ARHGAP45: variants seen among roughly 807,000 people sequenced by gnomAD.
ARHGAP45 encodes the protein Rho GTPase activating protein 45, also known as rho GTPase-activating protein 45.
A neutral mutation model predicts 116.1 loss-of-function variants in ARHGAP45; 56 were observed. The observed-to-expected ratio is 0.48, with a 90% CI of 0.39 to 0.60. The LOEUF (loss-of-function observed/expected upper bound fraction) is 0.60, where lower values mean the gene tolerates loss of function less well. Ranked by LOEUF, ARHGAP45 falls within the 20% of genes least tolerant of loss-of-function variation. The pLI is 0.00. For missense variants in ARHGAP45, 1,622 were observed against 1,601.0 expected, an observed-to-expected ratio of 1.01 and a Z score of -0.22; for synonymous variants, 866 against 701.7, an observed-to-expected ratio of 1.23 and a Z score of -3.70.
At position 1,086,035 on chromosome 19, in the gene ARHGAP45, C is replaced by T. The variant is rs2043635035; in HGVS notation, c.*29C>T. The T allele has an allele frequency of 2.5e-6, 4 of 1,580,256 alleles. No individual in the cohort carries two copies. Among genetic ancestry groups the T allele is most frequent in the South Asian group, 1.1e-5 (1 of 88,142 alleles). On this transcript the variant is annotated 3_prime_UTR_variant, in exon 23 of 23. Coordinates refer to ENST00000313093, the MANE Select transcript of ARHGAP45 (RefSeq NM_012292.5). ...GGGGTGGGGCTGGGACCACAGGTGG[C>T]TTCTCTCTTGCCTGCTCCTGTCCCT... is the stretch of plus-strand genomic sequence containing the variant.
chr19:1,081,815 C>T lies in ARHGAP45; in HGVS notation c.2380-9C>T, dbSNP rs1199418618. On this transcript the variant is annotated splice_polypyrimidine_tract_variant and intron_variant, in intron 18 of 22. Coordinates refer to ENST00000313093, the MANE Select transcript of ARHGAP45 (RefSeq NM_012292.5). ...GCTGATGGGCCTCCCCACCCCCGGG[C>T]TCCCGCAGGGCATCTACCGGGTCAA... 2 of 1,601,726 alleles carry T rather than the reference C, an allele frequency of 1.2e-6. No homozygotes were observed. The highest frequency in any genetic ancestry group is 2.2e-5 in the South Asian group (2 of 89,794).
intron 10 of ARHGAP45, 104 bp from the exon 11 acceptor site, chr19:1,077,753 C>T (rs527883338): frequency 6.5e-7 from 1 of 1,538,176 alleles, no homozygotes; most frequent in Non-Finnish European, 8.8e-7. Flanking sequence ...GGCCATGGGG[C>T]CTTGCTGAGA....
At chr19:1,080,648 T>G in intron 15 of ARHGAP45, 34 bp from the exon 16 acceptor site, 1 of 1,604,476 alleles carries the variant, frequency 6.2e-7, no homozygotes, top group Non-Finnish European at 8.5e-7. Context: ...CCCCCCTGGC[T>G]GGGGGAGTCT....
intron 19 of ARHGAP45, among the ~76,000 whole-genome samples, chr19:1,082,258 A>C (rs1379144140): frequency 3.6e-5 from 4 of 111,948 alleles, no homozygotes; most frequent in African/African-American, 1.0e-4. Flanking sequence ...CGGCAGAGGC[A>C]CACCTGACGC....
chr19:1,075,175 C>T (rs775786121), intron 10 of ARHGAP45, among the ~76,000 whole-genome samples: 4 of 151,556 alleles, frequency 2.6e-5, no homozygotes, highest in Admixed American at 2.0e-4. Flanking sequence ...AGCTGGTCTC[C>T]GGGTTGAGGG....
At position 1,074,393 on chromosome 19, in the gene ARHGAP45, A is replaced by G. The variant is rs772113900; in HGVS notation, c.979A>G (p.Ser327Gly). 1 of 1,576,550 alleles carries G rather than the reference A, an allele frequency of 6.3e-7. No homozygotes were observed. The highest frequency in any genetic ancestry group is 8.6e-7 in the Non-Finnish European group (1 of 1,160,104). ...GAAGATCGCTCACAACTGCAGACAG[A>G]GCGTCATGCAGGAGGTGGGGGCCCC... ...LQKIAHNCRQSVMQEPHMPLL... is the reference protein window; with the variant it reads ...LQKIAHNCRQGVMQEPHMPLL... The change falls in exon 8 of 23, where the codon AGC becomes GGC. Residue 327 changes from serine (S) to glycine (G), a missense_variant. This residue lies in a region of ARHGAP45 where 1,334 missense variants were observed against 1,263.8 expected (regional missense o/e 1.06). Coordinates refer to ENST00000313093, the MANE Select transcript of ARHGAP45 (RefSeq NM_012292.5).
intron 21 of ARHGAP45, 75 bp downstream of exon 21, chr19:1,083,428 G>A (rs1042853750): frequency 7.6e-7 from 1 of 1,310,702 alleles, no homozygotes; most frequent in Non-Finnish European, 1.1e-6. Flanking sequence ...GACAGTCGTT[G>A]TCGGATGAAG....
Position 1,068,639 on chromosome 19 carries a change from G to C in ARHGAP45, c.316G>C (p.Glu106Gln). Residue 106 changes from glutamate (E) to glutamine (Q), a missense_variant, in exon 2 of 23, where the codon GAG becomes CAG. Glu to Gln is a conservative substitution (Grantham distance 29). Around this residue, in one of 3 missense-constraint regions of ARHGAP45, gnomAD observed 279 missense variants for 311.9 expected, o/e 0.89. Coordinates refer to ENST00000313093, the MANE Select transcript of ARHGAP45 (RefSeq NM_012292.5). This position sits in a 1 kb window ranked among gnomAD's most constrained non-coding sequence, Gnocchi z 7.5. ...TAASPGELPT[E>Q]GAGPDVVEDI... is the part of the protein sequence containing the mutation. ...CGCCAGCCCGGGCGAGCTGCCCACCGAGGGTGCCGGCCCGGACGTCGTCGA... is the reference window on the plus strand; with the variant it reads ...CGCCAGCCCGGGCGAGCTGCCCACCCAGGGTGCCGGCCCGGACGTCGTCGA... 3.7e-6 allele frequency: 6 copies of C among 1,612,406 alleles called. No individual in the cohort carries two copies. Among genetic ancestry groups the C allele is most frequent in the Non-Finnish European group, 5.1e-6 (6 of 1,179,848 alleles).
Position 1,081,886 on chromosome 19 carries a change from C to T in ARHGAP45, c.2442C>T (p.Asn814=), listed in dbSNP as rs1016971683. 2.5e-5 allele frequency: 41 copies of T among 1,613,158 alleles called. No individual in the cohort carries two copies. Among genetic ancestry groups the T allele is most frequent in the Non-Finnish European group, 3.1e-5 (37 of 1,179,890 alleles). Residue 814 remains asparagine, a synonymous_variant, in exon 19 of 23, where the codon AAC becomes AAT. Transcript: ENST00000313093. ...AGAAGCTGTGCCAGGCCTTCGAGAA[C>T]GGCAAGGAGCTGGTCGAGCTGTCGC... ...RVEKLCQAFE[N]GKELVELSQA... is the part of the protein sequence containing the mutation.
In ARHGAP45 at chr19:1,080,823, G is replaced by T. The variant is rs200465434; in HGVS notation, c.2017+37G>T. ...CTGACGGGGCTGGAGAGAGAGGGGGGTTTGGACACAGTCCATGGGCCTGGC... is the reference window on the plus strand; with the variant it reads ...CTGACGGGGCTGGAGAGAGAGGGGGTTTTGGACACAGTCCATGGGCCTGGC... On this transcript the variant is annotated intron_variant, in intron 16 of 22. Transcript: ENST00000313093. 864 of 1,610,876 alleles carry T rather than the reference G, an allele frequency of 5.4e-4. 2 individuals carry two copies. The African/African-American group carries it at 0.01, about 19-fold the overall frequency.
rs1209043732 is a variant in ARHGAP45 at position 1,067,202 on chromosome 19, CG to C, written c.-199del. 7.4e-7 allele frequency: 1 copy of C among 1,352,468 alleles called. No individual in the cohort carries two copies. Among genetic ancestry groups the C allele is most frequent in the Admixed American group, 4.0e-5 (1 of 25,240 alleles). The allele number at this position is 1,352,468 out of a possible 1,614,324, so 83.8% of individuals were successfully genotyped here. On this transcript the variant is annotated 5_prime_UTR_variant, in exon 1 of 23. Coordinates refer to ENST00000313093, the MANE Select transcript of ARHGAP45 (RefSeq NM_012292.5). ...GCCGCAGGCTGAGGCCGGGAAGGGT[CG>C]GGGGCGAGGCCGCGTCGCCGCCTCC... is the stretch of plus-strand genomic sequence containing the variant.
In ARHGAP45 at chr19:1,073,247, G is replaced by A. The variant is rs1327112883; in HGVS notation, c.520G>A (p.Val174Met). 3.1e-6 allele frequency: 5 copies of A among 1,613,664 alleles called. No individual in the cohort carries two copies. The highest frequency in any genetic ancestry group is 2.2e-5 in the East Asian group (1 of 44,884). The change falls in exon 3 of 23, where the codon GTG becomes ATG. Residue 174 changes from valine (V) to methionine (M), a missense_variant. By Grantham distance (21) the Val-to-Met change is conservative. This residue lies in a region of ARHGAP45 where 279 missense variants were observed against 311.9 expected (regional missense o/e 0.89). Coordinates refer to ENST00000313093, the MANE Select transcript of ARHGAP45 (RefSeq NM_012292.5). ...CTCCAAGTACCCGCTGCTGAACACC[G>A]TGGAGACGCTCACCGCAGCCGGCAC... ...IISKYPLLNT[V>M]ETLTAAGTLI... is the part of the protein sequence containing the mutation.
Position 1,085,706 on chromosome 19 carries a change from C to T in ARHGAP45, c.3111C>T (p.Ala1037=). The T allele has an allele frequency of 9.3e-6, 15 of 1,605,304 alleles. No homozygotes were observed. The highest frequency in any genetic ancestry group is 1.3e-5 in the Non-Finnish European group (15 of 1,174,660). Residue 1037 remains alanine (A), a synonymous_variant, in exon 23 of 23, where the codon GCC becomes GCT. Transcript: ENST00000313093. ...SNDSDSDLEE[A]SELLSSSEAS... ...ATTCGGACTCGGACCTAGAGGAGGC[C>T]TCCGAGCTGCTGTCCTCATCGGAGG...
chr19:1,086,003 G>C lies in ARHGAP45; in HGVS notation c.3408G>C (p.Val1136=). ...GCAGGGAAAGGCAGCCGGAATTCGT[G>C]TGAGCTGGGGTGGGGCTGGGACCAC... ...GSCRERQPEF[V] Residue 1136 remains valine, a synonymous_variant, in exon 23 of 23, where the codon GTG becomes GTC. Coordinates refer to ENST00000313093, the MANE Select transcript of ARHGAP45 (RefSeq NM_012292.5). 4 of 1,610,526 alleles carry C rather than the reference G, an allele frequency of 2.5e-6. No homozygotes were observed. The highest frequency in any genetic ancestry group is 3.4e-6 in the Non-Finnish European group (4 of 1,178,372).
At chr19:1,070,438 C>A (rs1440549322) in intron 2 of ARHGAP45, among the ~76,000 whole-genome samples, 1 of 143,926 alleles carries the variant, frequency 6.9e-6, no homozygotes, top group African/African-American at 2.6e-5. Flanking sequence ...TCAAGTGGTT[C>A]TTCTGCCTCA....
chr19:1,067,338 C>T lies in ARHGAP45; in HGVS notation c.-68C>T, dbSNP rs1357829064. On this transcript the variant is annotated 5_prime_UTR_variant, in exon 1 of 23. Transcript: ENST00000313093. The stretch of plus-strand genomic sequence containing the variant: ...CGGCGACAATGTGGTCCCGAAGCGG[C>T]CAGCGCCGGGAGCTGCAGCGCTGAG... The T allele has an allele frequency of 8.2e-6, 12 of 1,470,868 alleles. No homozygotes were observed. In the South Asian group the frequency reaches 1.4e-4, roughly 17 times the overall value. 91.1% of individuals were successfully genotyped at this position (1,470,868 alleles called of 1,614,324 possible). A position where few individuals can be genotyped will look rare whatever the true frequency, so the allele number is the denominator to read the frequency against.
chr19:1,066,016 C>CCTCA, upstream of ARHGAP45: 1 of 1,535,036 alleles, frequency 6.5e-7, no homozygotes, highest in Non-Finnish European at 8.7e-7. Context: ...TGACCCCAGC[C>CCTCA]CTCAGCGCCA....
At chr19:1,081,430 T>G in intron 17 of ARHGAP45, 120 bp from the exon 18 acceptor site, 1 of 1,043,796 alleles carries the variant, frequency 9.6e-7, no homozygotes, top group Non-Finnish European at 1.3e-6. Context: ...GTCCAGCTTG[T>G]GTTTGCAGAA....
chr19:1,081,887 G>C lies in ARHGAP45; in HGVS notation c.2443G>C (p.Gly815Arg). ...GAAGCTGTGCCAGGCCTTCGAGAAC[G>C]GCAAGGAGCTGGTCGAGCTGTCGCA... is the stretch of plus-strand genomic sequence containing the variant. ...VEKLCQAFEN[G>R]KELVELSQAS... Residue 815 changes from glycine to arginine, a missense_variant, in exon 19 of 23, where the codon GGC becomes CGC. Around this residue, in one of 3 missense-constraint regions of ARHGAP45, gnomAD observed 1,334 missense variants for 1,263.8 expected, o/e 1.06. Coordinates refer to ENST00000313093, the MANE Select transcript of ARHGAP45 (RefSeq NM_012292.5). The C allele has an allele frequency of 6.2e-7, 1 of 1,613,212 alleles. No homozygotes were observed. The highest frequency in any genetic ancestry group is 8.5e-7 in the Non-Finnish European group (1 of 1,179,902).
Sources: gnomAD v4.1 joint callset for allele counts (sites outside exome capture counted in the v4.1 genomes callset) on GRCh38, gnomAD v4.1.1 for gene constraint, gnomAD v4.1.1 regional missense constraint, Gnocchi (gnomAD v3.1) non-coding constraint, MANE v1.5 for transcripts, NCBI Gene and HGNC (gene_info 2026-07-23, HGNC 2026-07-21) for gene names.